The following SGO2 variants were observed in gnomAD, a reference collection of about 807,000 sequenced individuals.
The protein encoded by SGO2 is shugoshin-like 2.
Under a neutral mutation model 99.5 loss-of-function variants are expected in SGO2, and 68 were observed. The observed-to-expected ratio is 0.68, with a 90% CI of 0.56 to 0.84. The LOEUF is 0.84. Among genes scored for constraint, SGO2 ranks in the 40% least tolerant of loss-of-function variants. The pLI is 0.00. For synonymous variants in SGO2, 457 were observed against 487.1 expected (o/e 0.94, Z 0.81); for missense variants, 1,350 against 1,436.7 (o/e 0.94, Z 0.97).
chr2:200,561,196 GCC>G (rs2032943712), intron 5 of SGO2, among the ~76,000 whole-genome samples: 1 of 151,918 alleles, frequency 6.6e-6, no homozygotes, highest in East Asian at 1.9e-4. Flanking sequence ...CCTCCCCTCT[GCC>G]CCCACCCAAC....
intron 5 of SGO2, among the ~76,000 whole-genome samples, chr2:200,556,125 T>G (rs1394475444): frequency 6.6e-6 from 1 of 152,030 alleles, no homozygotes; most frequent in African/African-American, 2.4e-5. Context: ...CCACCAAGCC[T>G]GGCTAATTTT....
chr2:200,544,388 C>A (rs1161683206), intron 5 of SGO2, among the ~76,000 whole-genome samples: 3 of 152,130 alleles, frequency 2.0e-5, no homozygotes, highest in Admixed American at 6.5e-5. Flanking sequence ...TTCAAGTGAT[C>A]CTCCTGCCTC....
At chr2:200,581,649 G>A (rs1456178552) in intron 8 of SGO2, among the ~76,000 whole-genome samples, 2 of 152,100 alleles carry the variant, frequency 1.3e-5, no homozygotes, top group African/African-American at 4.8e-5. Context: ...ACTAGAAGCT[G>A]TGATATACCT....
At chr2:200,578,168 A>C (rs151310480) in intron 8 of SGO2, among the ~76,000 whole-genome samples, 1 of 152,122 alleles carries the variant, frequency 6.6e-6, no homozygotes, top group African/African-American at 2.4e-5. Flanking sequence ...ATAGATATAG[A>C]TATAGATATA....
Position 200,526,878 on chromosome 2 carries a change from A to G in SGO2, c.-3+626A>G, listed in dbSNP as rs1329977309. 6.6e-6 allele frequency among the ~76,000 whole-genome samples: 1 copy of G among 152,186 alleles called. No individual in the cohort carries two copies. Among genetic ancestry groups the G allele is most frequent in the African/African-American group, 2.4e-5 (1 of 41,424 alleles). On this transcript the variant is annotated intron_variant, in intron 1 of 8. Coordinates refer to ENST00000357799, the MANE Select transcript of SGO2 (RefSeq NM_152524.6). The surrounding 1 kb of genome is among the most constrained non-coding windows in gnomAD (Gnocchi z 4.8). ...CGGACAAGTGTCACAGAGTGCTGGTATTGAGTGCTGATAGTTTACCAGGTC... is the reference window on the plus strand; with the variant it reads ...CGGACAAGTGTCACAGAGTGCTGGTGTTGAGTGCTGATAGTTTACCAGGTC...
chr2:200,556,996 C>T (rs886318215), intron 5 of SGO2, among the ~76,000 whole-genome samples: 4 of 152,056 alleles, frequency 2.6e-5, no homozygotes, highest in Non-Finnish European at 4.4e-5. Flanking sequence ...GTGAAAGGAT[C>T]TTTTCCAGCA....
chr2:200,580,664 T>G (rs939587027), intron 8 of SGO2: 1 of 241,658 alleles, frequency 4.1e-6, no homozygotes, highest in African/African-American at 2.4e-5. Flanking sequence ...AGACGCTCAC[T>G]CTACAAAAAA....
chr2:200,531,110 AGGAGGCAGGAAGGCATG>A (rs57871465), intron 1 of SGO2, among the ~76,000 whole-genome samples: 38,624 of 152,076 alleles, frequency 0.25, 5,058 homozygotes, highest in South Asian at 0.34. Flanking sequence ...GATGTCTTTA[AGGAGGCAGGAAGGCATG>A]GGATCCAGTG....
chr2:200,561,837 G>GAGCATT (rs2032984155), intron 5 of SGO2, among the ~76,000 whole-genome samples: 1 of 152,072 alleles, frequency 6.6e-6, no homozygotes, highest in Non-Finnish European at 1.5e-5. Flanking sequence ...TCATGTGTCT[G>GAGCATT]TTGGCTGCAT....
chr2:200,532,982 T>A lies in SGO2; in HGVS notation c.7T>A (p.Cys3Ser). ...TTTTTCTTTCACTTCAGTGATGGAG[T>A]GCCCAGTGATGGAAACTGGCTCACT... Reference protein sequence around the residue: MECPVMETGSLFT... With the variant: MESPVMETGSLFT... The change falls in exon 2 of 9, where the codon TGC becomes AGC. Residue 3 changes from cysteine (C) to serine (S), a missense_variant. Physicochemically the swap from Cys to Ser is moderately radical, Grantham distance 112. Coordinates refer to ENST00000357799, the MANE Select transcript of SGO2 (RefSeq NM_152524.6). 6.2e-7 allele frequency: 1 copy of A among 1,608,118 alleles called. No individual in the cohort carries two copies. The highest frequency in any genetic ancestry group is 8.5e-7 in the Non-Finnish European group (1 of 1,178,500).
At chr2:200,567,765 A>G (rs1443584213) in intron 5 of SGO2, among the ~76,000 whole-genome samples, 2 of 152,212 alleles carry the variant, frequency 1.3e-5, no homozygotes, top group Non-Finnish European at 2.9e-5. Flanking sequence ...AGGTTCATTC[A>G]TGTTGTAGCA....
chr2:200,554,103 A>T (rs995237402), intron 5 of SGO2, among the ~76,000 whole-genome samples: 7 of 152,218 alleles, frequency 4.6e-5, no homozygotes, highest in Non-Finnish European at 8.8e-5. Flanking sequence ...CTATATTGCC[A>T]TCAATTAAGA....
chr2:200,560,296 A>G (rs1034928470), intron 5 of SGO2, among the ~76,000 whole-genome samples: 3 of 152,100 alleles, frequency 2.0e-5, no homozygotes, highest in South Asian at 4.1e-4. Context: ...TTTGTTTGTT[A>G]TAATATTTCC....
intron 5 of SGO2, 61 bp downstream of exon 5, chr2:200,542,725 T>A: frequency 2.1e-6 from 3 of 1,401,596 alleles, no homozygotes; most frequent in Non-Finnish European, 3.0e-6. Context: ...ACACAATTAG[T>A]GTTTGTGTGT....
intron 5 of SGO2, among the ~76,000 whole-genome samples, chr2:200,544,530 C>G (rs532657196): frequency 1.6e-4 from 24 of 152,176 alleles, no homozygotes; most frequent in South Asian, 4.1e-4. Flanking sequence ...AATCCTCCCA[C>G]CTCGGCCTCT....
chr2:200,540,514 G>T (rs10171100), intron 4 of SGO2, among the ~76,000 whole-genome samples: 1 of 152,102 alleles, frequency 6.6e-6, no homozygotes, highest in African/African-American at 2.4e-5. Flanking sequence ...AGGGAAGGGT[G>T]CACCTCATTA....
chr2:200,533,039 G>C lies in SGO2; in HGVS notation c.64G>C (p.Asp22His). 6.2e-7 allele frequency: 1 copy of C among 1,605,726 alleles called. No homozygotes were observed. Among genetic ancestry groups the C allele is most frequent in the Non-Finnish European group, 8.5e-7 (1 of 1,177,578 alleles). Residue 22 changes from aspartate (D) to histidine (H), a missense_variant, in exon 2 of 9, where the codon GAC becomes CAC. Coordinates refer to ENST00000357799, the MANE Select transcript of SGO2 (RefSeq NM_152524.6). ...FTSGIKRHLK[D>H]KRISKTTKLN... ...CTCAGGAATTAAGAGACATTTGAAA[G>C]ACAAAAGAATTTCAAAGACTACTAA...
At chr2:200,529,121 T>C (rs932881870) in intron 1 of SGO2, among the ~76,000 whole-genome samples, 5 of 152,136 alleles carry the variant, frequency 3.3e-5, no homozygotes, top group Non-Finnish European at 5.9e-5. Context: ...TATAGACAAC[T>C]CTCTAAAGGA....
At chr2:200,536,408 A>G (rs1249227063) in intron 4 of SGO2, among the ~76,000 whole-genome samples, 1 of 152,166 alleles carries the variant, frequency 6.6e-6, no homozygotes, top group African/African-American at 2.4e-5. Context: ...ACTCAGAAAC[A>G]TAAAGACATT....
Sources: allele counts gnomAD v4.1 joint callset (sites outside exome capture counted in the v4.1 genomes callset), GRCh38; gene constraint gnomAD v4.1.1; non-coding constraint Gnocchi (gnomAD v3.1); transcripts MANE v1.5; gene names NCBI Gene and HGNC (gene_info 2026-07-23, HGNC 2026-07-21).